STAT4: variants seen among roughly 807,000 people sequenced by gnomAD.
STAT4 encodes the protein signal transducer and activator of transcription 4.
STAT4 carries 42 observed loss-of-function variants against 110.5 expected under a neutral mutation model. The observed-to-expected ratio is 0.38, with a 90% CI of 0.30 to 0.49. The LOEUF is 0.49. Among genes scored for constraint, STAT4 ranks in the 20% least tolerant of loss-of-function variants. The probability of loss-of-function intolerance (pLI) is 0.95; values close to 1 mark genes in which losing one functional copy is unlikely to be tolerated. For missense variants in STAT4, 632 were observed against 887.9 expected, an observed-to-expected ratio of 0.71 and a Z score of 3.66; for synonymous variants, 284 against 302.2, an observed-to-expected ratio of 0.94 and a Z score of 0.63.
In STAT4 at chr2:191,043,951, T is replaced by C. The variant is rs1239013206; in HGVS notation, c.1252-2803A>G. The stretch of plus-strand genomic sequence containing the variant: ...TCATAGAAAAAGTATAAAGGCATTC[T>C]TGAAAACAATAAACATCAAAATTCA... On this transcript the variant is annotated intron_variant, in intron 14 of 23. Transcript: ENST00000392320. This position sits in a 1 kb window ranked among gnomAD's most constrained non-coding sequence, Gnocchi z 4.8. Among the ~76,000 whole-genome samples the C allele has an allele frequency of 6.6e-6, 1 of 150,854 alleles. No individual in the cohort carries two copies. The highest frequency in any genetic ancestry group is 1.5e-5 in the Non-Finnish European group (1 of 67,924).
chr2:191,111,321 T>A (rs539841745), intron 3 of STAT4, among the ~76,000 whole-genome samples: 3 of 152,324 alleles, frequency 2.0e-5, no homozygotes, highest in Non-Finnish European at 4.4e-5. Flanking sequence ...CATAACAAGT[T>A]TTAAAGTAAA....
intron 3 of STAT4, among the ~76,000 whole-genome samples, chr2:191,094,400 AC>A (rs1000225288): frequency 7.2e-5 from 11 of 152,140 alleles, no homozygotes; most frequent in Admixed American, 3.3e-4. Context: ...CTCAGCAGAA[AC>A]TCTACAAGCC....
At chr2:191,120,892 A>G (rs1292867654) in intron 3 of STAT4, among the ~76,000 whole-genome samples, 2 of 152,228 alleles carry the variant, frequency 1.3e-5, no homozygotes, top group African/African-American at 4.8e-5. Flanking sequence ...CACCAAAAGC[A>G]ATGGCAACAA....
chr2:191,148,609 C>T (rs919123600), intron 1 of STAT4, among the ~76,000 whole-genome samples: 3 of 152,186 alleles, frequency 2.0e-5, no homozygotes, highest in Non-Finnish European at 4.4e-5. Context: ...CCTCCTAAAA[C>T]CCTCTAAGAC....
intron 3 of STAT4, among the ~76,000 whole-genome samples, chr2:191,121,566 T>C (rs897810531): frequency 6.6e-6 from 1 of 152,066 alleles, no homozygotes; most frequent in South Asian, 2.1e-4. Context: ...ATGTGGCACA[T>C]ATACACCATG....
Position 191,033,343 on chromosome 2 carries a change from T to C in STAT4, c.1852+147A>G, listed in dbSNP as rs1205783790. On this transcript the variant is annotated intron_variant, in intron 20 of 23. Coordinates refer to ENST00000392320, the MANE Select transcript of STAT4 (RefSeq NM_003151.4). This position sits in a 1 kb window ranked among gnomAD's most constrained non-coding sequence, Gnocchi z 6.9. ...CTTTTTGGAATTCATAGGTACCCTG[T>C]TCTGAGACAACTGCAACTACTAATA... The C allele has an allele frequency of 6.0e-6, 7 of 1,161,140 alleles. No homozygotes were observed. Among genetic ancestry groups the C allele is most frequent in the Non-Finnish European group, 8.4e-6 (7 of 835,248 alleles). The allele number at this position is 1,161,140 out of a possible 1,614,324, so 71.9% of individuals were successfully genotyped here.
chr2:191,148,309 T>C (rs941460325), intron 1 of STAT4, 105 bp from the exon 2 acceptor site: 15 of 1,392,436 alleles, frequency 1.1e-5, no homozygotes, highest in Non-Finnish European at 1.4e-5. Context: ...TGAATTCCAA[T>C]ATATCCAAGG....
chr2:191,148,916 A>G (rs1162899541), intron 1 of STAT4, among the ~76,000 whole-genome samples: 1 of 152,210 alleles, frequency 6.6e-6, no homozygotes, highest in Non-Finnish European at 1.5e-5. Context: ...GAAACATCTG[A>G]TAGTGGTTAA....
At chr2:191,115,648 T>C (rs1019023840) in intron 3 of STAT4, among the ~76,000 whole-genome samples, 2 of 152,208 alleles carry the variant, frequency 1.3e-5, no homozygotes, top group East Asian at 1.9e-4. Flanking sequence ...CCTATGACAA[T>C]TGGACCGAAT....
At chr2:191,136,854 A>C (rs542920436) in intron 3 of STAT4, among the ~76,000 whole-genome samples, 4 of 152,340 alleles carry the variant, frequency 2.6e-5, no homozygotes, top group South Asian at 4.1e-4. Flanking sequence ...AAATAGGTTC[A>C]GTAAAGTTGC....
In STAT4 at chr2:191,031,106, G is replaced by T; in HGVS notation, c.2112-26C>A. The stretch of plus-strand genomic sequence containing the variant: ...CTTAAAGAGATAACAAGGTCAATAT[G>T]GACAAGGATTAAAAAATAATAATAG... On this transcript the variant is annotated intron_variant, in intron 22 of 23. Coordinates refer to ENST00000392320, the MANE Select transcript of STAT4 (RefSeq NM_003151.4). The surrounding 1 kb of genome is among the most constrained non-coding windows in gnomAD (Gnocchi z 4.8). 1 of 1,602,756 alleles carries T rather than the reference G, an allele frequency of 6.2e-7. No homozygotes were observed. Among genetic ancestry groups the T allele is most frequent in the Non-Finnish European group, 8.5e-7 (1 of 1,170,180 alleles).
At chr2:191,134,304 C>CG (rs373526018) in intron 3 of STAT4, among the ~76,000 whole-genome samples, 279 of 152,302 alleles carry the variant, frequency 1.8e-3, no homozygotes, top group African/African-American at 6.4e-3. Flanking sequence ...ACTGCCTGCC[C>CG]GGGGGTCCAA....
chr2:191,127,073 C>T (rs1219565564), intron 3 of STAT4, among the ~76,000 whole-genome samples: 1 of 151,828 alleles, frequency 6.6e-6, no homozygotes, highest in African/African-American at 2.4e-5. Context: ...TAAAATCCAT[C>T]CAGTCTCTGG....
chr2:191,031,915 C>T lies in STAT4; in HGVS notation c.2045-399G>A, dbSNP rs1439236096. 6.6e-6 allele frequency among the ~76,000 whole-genome samples: 1 copy of T among 152,144 alleles called. No individual in the cohort carries two copies. Among genetic ancestry groups the T allele is most frequent in the Non-Finnish European group, 1.5e-5 (1 of 68,012 alleles). On this transcript the variant is annotated intron_variant, in intron 21 of 23. Coordinates refer to ENST00000392320, the MANE Select transcript of STAT4 (RefSeq NM_003151.4). This position sits in a 1 kb window ranked among gnomAD's most constrained non-coding sequence, Gnocchi z 4.8. ...GACACCAATCAGAATCTTATGATTG[C>T]AAACGTTCTTGAAGTACAGATGTCA... is the stretch of plus-strand genomic sequence containing the variant.
At chr2:191,124,478 C>T (rs997705780) in intron 3 of STAT4, among the ~76,000 whole-genome samples, 41 of 140,642 alleles carry the variant, frequency 2.9e-4, no homozygotes, top group African/African-American at 1.1e-3. Context: ...AAAAAAAAGA[C>T]ACTGAGCCCT....
intron 3 of STAT4, among the ~76,000 whole-genome samples, chr2:191,141,337 TAA>T (rs1699315518): frequency 6.6e-6 from 1 of 150,994 alleles, no homozygotes; most frequent in Non-Finnish European, 1.5e-5. Flanking sequence ...GAAACCACAA[TAA>T]GATATCATCT....
chr2:191,088,243 ACAAAAGTCAATTGC>A (rs1697693616), intron 3 of STAT4, among the ~76,000 whole-genome samples: 3 of 152,196 alleles, frequency 2.0e-5, no homozygotes, highest in Non-Finnish European at 4.4e-5. Flanking sequence ...ACATTAAGAC[ACAAAAGTCAATTGC>A]TTTCCTATTG....
At chr2:191,071,032 T>A (rs139671496) in intron 5 of STAT4, among the ~76,000 whole-genome samples, 1 of 152,300 alleles carries the variant, frequency 6.6e-6, no homozygotes, top group African/African-American at 2.4e-5. Flanking sequence ...TCCATACTTA[T>A]AAACCTTAGA....
In STAT4 at chr2:191,146,096, G is replaced by A. The variant is rs746762225; in HGVS notation, c.273+517C>T. Reference sequence around the variant, plus strand: ...AATGTCGAATATACTAAATGCCACAGTATCGATGTGTTCTGGTGCTGAGGA... The same window carrying A: ...AATGTCGAATATACTAAATGCCACAATATCGATGTGTTCTGGTGCTGAGGA... On this transcript the variant is annotated intron_variant, in intron 3 of 23. Coordinates refer to ENST00000392320, the MANE Select transcript of STAT4 (RefSeq NM_003151.4). The surrounding 1 kb of genome is among the most constrained non-coding windows in gnomAD (Gnocchi z 4.5). Among the ~76,000 whole-genome samples the A allele has an allele frequency of 1.3e-4, 20 of 152,208 alleles. No homozygotes were observed. The highest frequency in any genetic ancestry group is 4.6e-4 in the African/African-American group (19 of 41,448).
Sources: gnomAD v4.1 joint callset for allele counts (sites outside exome capture counted in the v4.1 genomes callset) on GRCh38, gnomAD v4.1.1 for gene constraint, Gnocchi (gnomAD v3.1) non-coding constraint, MANE v1.5 for transcripts, NCBI Gene and HGNC (gene_info 2026-07-23, HGNC 2026-07-21) for gene names.